PAX3: variants seen among roughly 807,000 people sequenced by gnomAD.
The protein encoded by PAX3 is paired box 3, also known as paired box protein Pax-3.
PAX3 carries 14 observed loss-of-function variants against 51.6 expected under a neutral mutation model. The ratio of observed to expected loss-of-function variants is 0.27; its 90% CI spans 0.18 to 0.42. PAX3 has a LOEUF of 0.42. Ranked by LOEUF, PAX3 falls within the 10% of genes least tolerant of loss-of-function variation. The probability of loss-of-function intolerance (pLI) is 1.00; values close to 1 mark genes in which losing one functional copy is unlikely to be tolerated. For synonymous variants in PAX3, 280 were observed against 253.4 expected (o/e 1.11, Z -1.00); for missense variants, 540 against 642.8 (o/e 0.84, Z 1.73).
rs76854484 is a variant in PAX3, at chr2:222,276,531, T to G, written c.586+17636A>C. 6.8e-3 allele frequency among the ~76,000 whole-genome samples: 1,032 copies of G among 152,282 alleles called. 7 individuals are homozygous for G. Among genetic ancestry groups the G allele is most frequent in the Middle Eastern group, 0.034 (10 of 294 alleles). ...CGGCTGCCTGTACCTTCTACAAGTC[T>G]GCTGAGAGGTGGATGGGGCCACAGC... On this transcript the variant is annotated intron_variant, in intron 4 of 8. Transcript: ENST00000392070.
chr2:222,219,307 G>C (rs1379168144), intron 7 of PAX3, among the ~76,000 whole-genome samples: 1 of 151,946 alleles, frequency 6.6e-6, no homozygotes, highest in Non-Finnish European at 1.5e-5. Flanking sequence ...TGCAATTATA[G>C]ATTGCAACCC....
chr2:222,252,269 A>G (rs1043774422), intron 4 of PAX3, among the ~76,000 whole-genome samples: 1 of 152,232 alleles, frequency 6.6e-6, no homozygotes, highest in South Asian at 2.1e-4. Context: ...ATGGACCTTG[A>G]CAGAAGATAT....
chr2:222,229,892 C>T (rs1434935166), intron 5 of PAX3, among the ~76,000 whole-genome samples: 2 of 152,188 alleles, frequency 1.3e-5, no homozygotes, highest in African/African-American at 4.8e-5. Flanking sequence ...CATCTTAAAT[C>T]TGCCCTCTGG....
intron 5 of PAX3, among the ~76,000 whole-genome samples, chr2:222,229,169 G>A (rs1027645338): frequency 6.2e-4 from 93 of 150,998 alleles, no homozygotes; most frequent in African/African-American, 2.2e-3. Flanking sequence ...GATTTAATTT[G>A]TCTGCCCTTT....
intron 4 of PAX3, among the ~76,000 whole-genome samples, chr2:222,280,133 C>A (rs971062045): frequency 6.6e-6 from 1 of 151,834 alleles, no homozygotes; most frequent in Non-Finnish European, 1.5e-5. Context: ...ATTGCTTGAA[C>A]GTGGGAGGTG....
intron 7 of PAX3, among the ~76,000 whole-genome samples, chr2:222,212,404 C>T (rs1416946099): frequency 6.6e-6 from 1 of 152,130 alleles, no homozygotes; most frequent in Non-Finnish European, 1.5e-5. Flanking sequence ...AGACACGTTA[C>T]CCCATTATTC....
Position 222,272,283 on chromosome 2 carries a change from A to ACCTCTTCTAATCTTGCTG in PAX3, c.586+21883_586+21884insCAGCAAGATTAGAAGAGG, listed in dbSNP as rs1432617498. 5.3e-5 allele frequency among the ~76,000 whole-genome samples: 8 copies of ACCTCTTCTAATCTTGCTG among 152,222 alleles called. No individual in the cohort carries two copies. The South Asian group carries it at 1.0e-3, about 20-fold the overall frequency. ...TTTAGTTCTTTAAAAATGTCATTATACCCCTTCTCCCAAGCACCAGCATGT... is the reference window on the plus strand; with the variant it reads ...TTTAGTTCTTTAAAAATGTCATTATACCTCTTCTAATCTTGCTGCCCCTTCTCCCAAGCACCAGCATGT... On this transcript the variant is annotated intron_variant, in intron 4 of 8. Coordinates refer to ENST00000392070, the MANE Select transcript of PAX3 (RefSeq NM_181458.4).
intron 4 of PAX3, among the ~76,000 whole-genome samples, chr2:222,250,780 C>T (rs1693399842): frequency 6.6e-6 from 1 of 152,164 alleles, no homozygotes; most frequent in South Asian, 2.1e-4. Flanking sequence ...GGACCTCATG[C>T]AGTTCTGCCC....
chr2:222,294,620 T>G (rs1031248361), intron 3 of PAX3, among the ~76,000 whole-genome samples: 3 of 151,828 alleles, frequency 2.0e-5, no homozygotes, highest in African/African-American at 7.3e-5. Flanking sequence ...CTTCCTGGAC[T>G]CCGAAGACCG....
rs189161953 is a variant in PAX3 at position 222,248,105 on chromosome 2, A to T, written c.587-15822T>A. ...CACAAATTTTTTTCACTCAAATAAC[A>T]TGTATATTCAATTACTGATTAATAA... On this transcript the variant is annotated intron_variant, in intron 4 of 8. Coordinates refer to ENST00000392070, the MANE Select transcript of PAX3 (RefSeq NM_181458.4). Among the ~76,000 whole-genome samples the T allele has an allele frequency of 4.4e-3, 670 of 152,322 alleles. 6 individuals are homozygous for T. Among genetic ancestry groups the T allele is most frequent in the African/African-American group, 0.015 (643 of 41,578 alleles).
intron 4 of PAX3, chr2:222,242,305 A>AT (rs1203720163): frequency 6.6e-6 from 1 of 152,098 alleles, no homozygotes. Context: ...CTTGTGATGG[A>AT]TTTTTTACCA....
intron 4 of PAX3, 46 bp from the exon 5 acceptor site, chr2:222,232,329 A>G (rs1692628614): frequency 6.5e-7 from 1 of 1,545,588 alleles, no homozygotes; most frequent in Non-Finnish European, 8.9e-7. Context: ...GAATCAAAAA[A>G]ATAAAACTGA....
chr2:222,220,571 C>T (rs907351613), intron 6 of PAX3, among the ~76,000 whole-genome samples: 9 of 152,144 alleles, frequency 5.9e-5, no homozygotes, highest in Admixed American at 5.9e-4. Flanking sequence ...CATATATACT[C>T]TCACGGCAGG....
At chr2:222,293,846 A>T (rs1695139781) in intron 4 of PAX3, 2 of 1,612,996 alleles carry the variant, frequency 1.2e-6, no homozygotes, top group Admixed American at 1.7e-5. Flanking sequence ...CCAGTCTCAT[A>T]CATTTAATGG....
At position 222,269,348 on chromosome 2, in the gene PAX3, G is replaced by A. The variant is rs1574722017; in HGVS notation, c.586+24819C>T. Among the ~76,000 whole-genome samples, 3 of 152,236 alleles carry A rather than the reference G, an allele frequency of 2.0e-5. No homozygotes were observed. The South Asian group carries it at 6.2e-4, about 32-fold the overall frequency. On this transcript the variant is annotated intron_variant, in intron 4 of 8. Coordinates refer to ENST00000392070, the MANE Select transcript of PAX3 (RefSeq NM_181458.4). ...GAATGCCTTACTTCAAAGATGGCCCGCATTCTTTAATTGCCCTTTGAATTA... is the reference window on the plus strand; with the variant it reads ...GAATGCCTTACTTCAAAGATGGCCCACATTCTTTAATTGCCCTTTGAATTA...
At position 222,261,195 on chromosome 2, in the gene PAX3, G is replaced by A. The variant is rs927270647; in HGVS notation, c.587-28912C>T. Among the ~76,000 whole-genome samples the A allele has an allele frequency of 5.9e-5, 9 of 152,102 alleles. No homozygotes were observed. The East Asian group carries it at 7.7e-4, about 13-fold the overall frequency. On this transcript the variant is annotated intron_variant, in intron 4 of 8. Transcript: ENST00000392070. ...CGATTTTGTCAGAGCTGCCATGCACGCAGTGGACTGCCAGGATATCCACAG... is the reference window on the plus strand; with the variant it reads ...CGATTTTGTCAGAGCTGCCATGCACACAGTGGACTGCCAGGATATCCACAG...
intron 3 of PAX3, 97 bp downstream of exon 3, chr2:222,295,431 C>G (rs528275656): frequency 1.4e-6 from 2 of 1,437,434 alleles, no homozygotes; most frequent in African/African-American, 2.8e-5. Flanking sequence ...CTCCCAATAG[C>G]TGAGATCGAT....
chr2:222,296,565 T>C (rs147935862), intron 2 of PAX3, among the ~76,000 whole-genome samples: 19 of 152,212 alleles, frequency 1.2e-4, no homozygotes, highest in African/African-American at 4.6e-4. Flanking sequence ...AGACAAACCA[T>C]TATAAAACCT....
At chr2:222,242,405 C>T (rs546957794) in intron 4 of PAX3, 2 of 152,276 alleles carry the variant, frequency 1.3e-5, no homozygotes, top group South Asian at 4.1e-4. Context: ...CGCCCAATCC[C>T]TGTTCCCTGC....
Sources: allele counts gnomAD v4.1 joint callset (sites outside exome capture counted in the v4.1 genomes callset), GRCh38; gene constraint gnomAD v4.1.1; transcripts MANE v1.5; gene names NCBI Gene and HGNC (gene_info 2026-07-23, HGNC 2026-07-21).